Variants in PAPOLA observed in about 807,000 individuals in gnomAD.
PAPOLA encodes the protein poly(A) polymerase alpha, also known as polynucleotide adenylyltransferase alpha.
In PAPOLA, 15 loss-of-function variants were observed where a neutral mutation model predicts 100.6. The observed-to-expected ratio is 0.15, with a 90% CI of 0.10 to 0.23. The LOEUF (loss-of-function observed/expected upper bound fraction) is 0.23. Ranked by LOEUF, PAPOLA falls within the 10% of genes least tolerant of loss-of-function variation. The probability of loss-of-function intolerance (pLI) is 1.00; values close to 1 mark genes in which losing one functional copy is unlikely to be tolerated. For synonymous variants in PAPOLA, 293 were observed against 300.0 expected, an observed-to-expected ratio of 0.98 and a Z score of 0.24; for missense variants, 533 against 884.2, an observed-to-expected ratio of 0.60 and a Z score of 5.04.
intron 3 of PAPOLA, among the ~76,000 whole-genome samples, chr14:96,522,519 T>C (rs1231971001): frequency 6.6e-6 from 1 of 152,004 alleles, no homozygotes; most frequent in Non-Finnish European, 1.5e-5. Flanking sequence ...CAGGCAATCC[T>C]CCCACCCCAG....
intron 1 of PAPOLA, among the ~76,000 whole-genome samples, chr14:96,513,763 TTATG>T (rs1341045970): frequency 2.0e-5 from 3 of 152,204 alleles, no homozygotes; most frequent in Non-Finnish European, 4.4e-5. Context: ...GAAGAATTCT[TTATG>T]TATTCAGACT....
intron 19 of PAPOLA, 101 bp from the exon 20 acceptor site, chr14:96,560,548 T>G: frequency 1.3e-6 from 1 of 746,548 alleles, no homozygotes; most frequent in Non-Finnish European, 2.3e-6. Context: ...TCTTACAGGT[T>G]TAATTATTTT....
At chr14:96,510,991 A>G (rs1019663395) in intron 1 of PAPOLA, among the ~76,000 whole-genome samples, 1 of 152,252 alleles carries the variant, frequency 6.6e-6, no homozygotes, top group African/African-American at 2.4e-5. Context: ...GAATGAGCAC[A>G]TTAAGGTTAA....
chr14:96,527,895 CTAG>C, intron 5 of PAPOLA, 55 bp from the exon 6 acceptor site: 1 of 1,185,406 alleles, frequency 8.4e-7, no homozygotes, highest in East Asian at 2.3e-5. Context: ...AGTACTAAAA[CTAG>C]TAGAGGCTTA....
chr14:96,520,962 A>C, intron 2 of PAPOLA, 44 bp from the exon 3 acceptor site: 1 of 879,728 alleles, frequency 1.1e-6, no homozygotes, highest in East Asian at 2.4e-5. Context: ...AAATTTAATC[A>C]GTAATGATCT....
At chr14:96,555,238 G>GTT (rs780689375) in intron 17 of PAPOLA, among the ~76,000 whole-genome samples, 17 of 135,466 alleles carry the variant, frequency 1.3e-4, no homozygotes, top group African/African-American at 1.4e-4. Context: ...AATAATATAG[G>GTT]TTTTTTTTTT....
At chr14:96,537,148 A>G (rs967718088) in intron 12 of PAPOLA, 88 bp downstream of exon 12, 5 of 772,102 alleles carry the variant, frequency 6.5e-6, no homozygotes, top group Non-Finnish European at 1.1e-5. Context: ...TTGCTGGACT[A>G]ATGTTATTGG....
At chr14:96,534,090 C>T (rs998113967) in intron 9 of PAPOLA, 2 of 998,572 alleles carry the variant, frequency 2.0e-6, no homozygotes, top group African/African-American at 3.5e-5. Flanking sequence ...TGCCTGTGAT[C>T]AGAAGTAACT....
At chr14:96,539,963 T>C (rs1262553251) in intron 12 of PAPOLA, among the ~76,000 whole-genome samples, 2 of 152,146 alleles carry the variant, frequency 1.3e-5, no homozygotes, top group African/African-American at 2.4e-5. Context: ...TGTGGCTGAG[T>C]AAAGGACATT....
At chr14:96,506,938 G>A (rs781026277) in intron 1 of PAPOLA, among the ~76,000 whole-genome samples, 1 of 152,134 alleles carries the variant, frequency 6.6e-6, no homozygotes, top group Non-Finnish European at 1.5e-5. Flanking sequence ...TAGTATCAAA[G>A]AAGACTACTC....
rs1279173492 is a variant in PAPOLA, at chr14:96,565,295, A to T, written c.*245A>T. The T allele has an allele frequency of 2.5e-6, 1 of 398,996 alleles. No individual in the cohort carries two copies. Among genetic ancestry groups the T allele is most frequent in the Non-Finnish European group, 4.5e-6 (1 of 220,424 alleles). 24.7% of individuals were successfully genotyped at this position (398,996 alleles called of 1,614,324 possible). A position where few individuals can be genotyped will look rare whatever the true frequency, so the allele number is the denominator to read the frequency against. ...ACTATTTCAAAAATTACTGCCTTTAAAAAAAACAACCTCAAGCTATATTTG... is the reference window on the plus strand; with the variant it reads ...ACTATTTCAAAAATTACTGCCTTTATAAAAAACAACCTCAAGCTATATTTG... On this transcript the variant is annotated 3_prime_UTR_variant, in exon 22 of 22. Coordinates refer to ENST00000216277, the MANE Select transcript of PAPOLA (RefSeq NM_032632.5).
At chr14:96,531,933 G>A in intron 7 of PAPOLA, 2 of 1,296,012 alleles carry the variant, frequency 1.5e-6, no homozygotes, top group Non-Finnish European at 2.0e-6. Context: ...GCTGAGATCA[G>A]AAGGACTACT....
At chr14:96,527,614 A>G in intron 5 of PAPOLA, 75 bp downstream of exon 5, 2 of 806,392 alleles carry the variant, frequency 2.5e-6, no homozygotes. Flanking sequence ...TTTATGATAT[A>G]GCCATCATTT....
chr14:96,532,136 A>G (rs896328507), intron 7 of PAPOLA, 195 bp from the exon 8 acceptor site: 2 of 1,374,022 alleles, frequency 1.5e-6, no homozygotes, highest in South Asian at 1.8e-5. Flanking sequence ...AATGCTTTAG[A>G]TTTTTTCCCC....
At chr14:96,511,739 A>T (rs1168711527) in intron 1 of PAPOLA, among the ~76,000 whole-genome samples, 2 of 152,234 alleles carry the variant, frequency 1.3e-5, no homozygotes, top group African/African-American at 4.8e-5. Context: ...AATTTGGTAC[A>T]TTTCAACCTC....
intron 1 of PAPOLA, among the ~76,000 whole-genome samples, chr14:96,514,269 G>C (rs1292613313): frequency 6.6e-6 from 1 of 151,528 alleles, no homozygotes; most frequent in Non-Finnish European, 1.5e-5. Flanking sequence ...CACCTCCCGG[G>C]TTCACGCCAT....
chr14:96,549,249 ATTTT>A (rs764364872), intron 16 of PAPOLA, among the ~76,000 whole-genome samples: 1 of 140,118 alleles, frequency 7.1e-6, no homozygotes, highest in Admixed American at 7.2e-5. Flanking sequence ...TGTTATTCTA[ATTTT>A]TTTTTTTTTT....
chr14:96,507,280 GTTTTTTTTT>G (rs71103533), intron 1 of PAPOLA, among the ~76,000 whole-genome samples: 5 of 80,702 alleles, frequency 6.2e-5, no homozygotes, highest in South Asian at 4.6e-4. Context: ...TTGGAAAATA[GTTTTTTTTT>G]TTTTTTTTTT....
chr14:96,540,502 T>G (rs1213673394), intron 12 of PAPOLA, among the ~76,000 whole-genome samples: 1 of 152,180 alleles, frequency 6.6e-6, no homozygotes, highest in Non-Finnish European at 1.5e-5. Flanking sequence ...TTTGTTTGAT[T>G]TAAGAGCATT....
Sources: gnomAD v4.1 joint callset for allele counts (sites outside exome capture counted in the v4.1 genomes callset) on GRCh38, gnomAD v4.1.1 for gene constraint, MANE v1.5 for transcripts, NCBI Gene and HGNC (gene_info 2026-07-23, HGNC 2026-07-21) for gene names.